Variants in LGMN observed in about 807,000 individuals in gnomAD.
LGMN encodes asparaginyl endopeptidase.
LGMN carries 36 observed loss-of-function variants against 56.8 expected under a neutral mutation model. That is an observed-to-expected ratio of 0.63 (90% CI 0.49 to 0.84). LGMN has a LOEUF of 0.84. LGMN is among the 40% of genes least tolerant of loss of function. The pLI is 0.00. For missense variants in LGMN, 446 were observed against 556.1 expected, an observed-to-expected ratio of 0.80 and a Z score of 1.99; for synonymous variants, 199 against 210.1, an observed-to-expected ratio of 0.95 and a Z score of 0.46.
chr14:92,718,785 G>A lies in LGMN; in HGVS notation c.198C>T (p.Ile66=), dbSNP rs140303947. The A allele has an allele frequency of 9.9e-6, 16 of 1,612,822 alleles. No individual in the cohort carries two copies. The highest frequency in any genetic ancestry group is 8.9e-5 in the East Asian group (4 of 44,844). Residue 66 remains isoleucine (I), a synonymous_variant, in exon 3 of 14, where the codon ATC becomes ATT. Transcript: ENST00000334869. ...IHRNGIPDEQ[I]VVMMYDDIAY... ...CAATGTCATCGTACATCATCACAAC[G>A]ATCTGTTCGTCAGGAATCCCATTGC...
intron 12 of LGMN, 32 bp downstream of exon 12, chr14:92,706,451 A>C: frequency 6.8e-7 from 1 of 1,465,196 alleles, no homozygotes; most frequent in Middle Eastern, 2.0e-4. Context: ...CAGCTTCTGG[A>C]TTCTGGTCAT....
intron 12 of LGMN, 174 bp from the exon 13 acceptor site, chr14:92,704,881 G>A (rs2140196418): frequency 3.4e-6 from 2 of 593,918 alleles, no homozygotes; most frequent in South Asian, 3.7e-5. Flanking sequence ...GATCCCTCAG[G>A]AAAGAGGCAC....
At chr14:92,710,436 G>A (rs756061611) in intron 10 of LGMN, among the ~76,000 whole-genome samples, 1 of 152,240 alleles carries the variant, frequency 6.6e-6, no homozygotes, top group African/African-American at 2.4e-5. Context: ...GCAGAGCTAA[G>A]GCCACAGAGA....
intron 2 of LGMN, among the ~76,000 whole-genome samples, chr14:92,724,103 T>C (rs1028516659): frequency 2.0e-5 from 3 of 152,176 alleles, no homozygotes; most frequent in Admixed American, 1.3e-4. Context: ...CTTGGTAAAT[T>C]TACTAAAAAA....
chr14:92,728,415 C>T (rs923551520), intron 2 of LGMN, among the ~76,000 whole-genome samples: 3 of 152,180 alleles, frequency 2.0e-5, no homozygotes, highest in Non-Finnish European at 2.9e-5. Context: ...GGCCATCCAC[C>T]TGTACTGCAC....
rs1354726313 is a variant in LGMN at position 92,703,881 on chromosome 14, AATC to A, written c.*435_*437del. The stretch of plus-strand genomic sequence containing the variant: ...AGAATTAAATACAAAAGCAATCAAA[AATC>A]ATCATATTTTCTAAAAACAGTTTTC... On this transcript the variant is annotated 3_prime_UTR_variant, in exon 14 of 14. Coordinates refer to ENST00000334869, the MANE Select transcript of LGMN (RefSeq NM_005606.7). 3 of 425,480 alleles carry A rather than the reference AATC, an allele frequency of 7.1e-6. No homozygotes were observed. Among genetic ancestry groups the A allele is most frequent in the Admixed American group, 4.1e-5 (1 of 24,204 alleles). The allele number at this position is 425,480 out of a possible 1,614,324, so 26.4% of individuals were successfully genotyped here. A position where few individuals can be genotyped will look rare whatever the true frequency, so the allele number is the denominator to read the frequency against.
chr14:92,719,245 GCCACCACCACCACCGCCA>G (rs1890275358), intron 2 of LGMN, among the ~76,000 whole-genome samples: 12 of 22,892 alleles, frequency 5.2e-4, no homozygotes, highest in African/African-American at 9.3e-4. Context: ...CGCCACCACC[GCCACCACCACCACCGCCA>G]CCGCCGCCGC....
At position 92,709,830 on chromosome 14, in the gene LGMN, G is replaced by A. The variant is rs760711178; in HGVS notation, c.862C>T (p.Arg288Cys). The change falls in exon 11 of 14, where the codon CGC (arginine) becomes TGC (cysteine). Residue 288 changes from arginine to cysteine, a missense_variant. Coordinates refer to ENST00000334869, the MANE Select transcript of LGMN (RefSeq NM_005606.7). ...AGGGGGACGGGAGAACTGGCTTTGC[G>A]TTTCATACCCTGAAACTGCATCACT... ...MKVMQFQGMK[R>C]KASSPVPLPP... is the part of the protein sequence containing the mutation. 3.4e-5 allele frequency: 55 copies of A among 1,613,044 alleles called. No individual in the cohort carries two copies. The highest frequency in any genetic ancestry group is 2.4e-4 in the African/African-American group (18 of 74,900).
chr14:92,709,428 G>A (rs1278262676), intron 11 of LGMN, among the ~76,000 whole-genome samples: 1 of 152,224 alleles, frequency 6.6e-6, no homozygotes, highest in Admixed American at 6.5e-5. Flanking sequence ...GTACGATACA[G>A]GGGAGATAGG....
chr14:92,733,123 G>C (rs1359721405), intron 1 of LGMN, among the ~76,000 whole-genome samples: 1 of 145,768 alleles, frequency 6.9e-6, no homozygotes, highest in Non-Finnish European at 1.5e-5. Context: ...ACTCCAGTCT[G>C]GGTGACAGAG....
intron 10 of LGMN, 129 bp downstream of exon 10, chr14:92,711,530 G>T: frequency 1.2e-6 from 1 of 858,678 alleles, no homozygotes; most frequent in Non-Finnish European, 2.0e-6. Context: ...GGCATGAGAG[G>T]CAGAGGCATC....
intron 2 of LGMN, among the ~76,000 whole-genome samples, chr14:92,729,467 G>GCCAC (rs1890921334): frequency 3.9e-5 from 1 of 25,396 alleles, no homozygotes. Flanking sequence ...CTCAGATCAC[G>GCCAC]CCCCCCCCCC....
At chr14:92,713,769 A>T in intron 7 of LGMN, 54 bp downstream of exon 7, 1 of 1,270,294 alleles carries the variant, frequency 7.9e-7, no homozygotes, top group South Asian at 1.2e-5. Context: ...CTCTGCACTC[A>T]CGGCTTTCCT....
intron 12 of LGMN, among the ~76,000 whole-genome samples, chr14:92,705,723 G>A (rs1251994854): frequency 6.6e-6 from 1 of 151,650 alleles, no homozygotes; most frequent in Non-Finnish European, 1.5e-5. Flanking sequence ...CACCTCCCTG[G>A]TTCAAGCGAT....
chr14:92,739,674 G>T (rs562003249), intron 1 of LGMN, among the ~76,000 whole-genome samples: 1 of 152,188 alleles, frequency 6.6e-6, no homozygotes, highest in African/African-American at 2.4e-5. Flanking sequence ...GGAGTGGGAG[G>T]TGTCATTTGT....
chr14:92,719,239 A>ACCG (rs1566924029), intron 2 of LGMN, among the ~76,000 whole-genome samples: 13 of 21,476 alleles, frequency 6.1e-4, no homozygotes, highest in African/African-American at 2.7e-3. Context: ...CGCCACCGCC[A>ACCG]CCACCGCCAC....
At chr14:92,729,132 T>C (rs948485971) in intron 2 of LGMN, among the ~76,000 whole-genome samples, 16 of 145,066 alleles carry the variant, frequency 1.1e-4, no homozygotes, top group South Asian at 2.2e-4. Context: ...CTTTTCTTTT[T>C]TTTTTTTTTT....
intron 11 of LGMN, among the ~76,000 whole-genome samples, chr14:92,708,151 CAAA>C (rs5810610): frequency 5.2e-5 from 7 of 133,994 alleles, no homozygotes; most frequent in Admixed American, 1.5e-4. Context: ...AACTCCATCT[CAAA>C]AAAAAAAAAA....
intron 2 of LGMN, among the ~76,000 whole-genome samples, chr14:92,726,661 C>T (rs559799886): frequency 6.6e-6 from 1 of 152,284 alleles, no homozygotes; most frequent in Admixed American, 6.5e-5. Flanking sequence ...CCTTCTCCTC[C>T]TAACACGCCT....
Sources: gnomAD v4.1 joint callset for allele counts (sites outside exome capture counted in the v4.1 genomes callset) on GRCh38, gnomAD v4.1.1 for gene constraint, MANE v1.5 for transcripts, NCBI Gene and HGNC (gene_info 2026-07-23, HGNC 2026-07-21) for gene names.